LRRC1: variants seen among roughly 807,000 people sequenced by gnomAD.
The protein encoded by LRRC1 is leucine rich repeat containing 1, also known as leucine-rich repeat-containing protein 1.
A neutral mutation model predicts 69.9 loss-of-function variants in LRRC1; 28 were observed. The ratio of observed to expected loss-of-function variants is 0.40; its 90% CI spans 0.30 to 0.55. The LOEUF is 0.55. LRRC1 is among the 20% of genes least tolerant of loss of function. The probability of loss-of-function intolerance (pLI) is 0.47; values close to 1 mark genes in which losing one functional copy is unlikely to be tolerated. For missense variants in LRRC1, 498 were observed against 609.0 expected (o/e 0.82, Z 1.92); for synonymous variants, 236 against 240.2 (o/e 0.98, Z 0.16).
intron 1 of LRRC1, among the ~76,000 whole-genome samples, chr6:53,833,245 G>T (rs1417390624): frequency 6.6e-6 from 1 of 152,110 alleles, no homozygotes; most frequent in Non-Finnish European, 1.5e-5. Context: ...CCAAGTGATT[G>T]CAGTTGCCAC....
intron 1 of LRRC1, among the ~76,000 whole-genome samples, chr6:53,799,079 G>A (rs1764390086): frequency 6.6e-6 from 1 of 152,144 alleles, no homozygotes; most frequent in South Asian, 2.1e-4. Flanking sequence ...TGTAGTAGTA[G>A]GCAGCACATA....
At chr6:53,884,094 C>T (rs941115126) in intron 4 of LRRC1, 82 of 695,084 alleles carry the variant, frequency 1.2e-4, no homozygotes, top group Non-Finnish European at 1.6e-4. Context: ...AGACAGGAAG[C>T]CCTCAATACA....
At chr6:53,795,453 G>C in intron 1 of LRRC1, 38 bp downstream of exon 1, 2 of 1,582,252 alleles carry the variant, frequency 1.3e-6, no homozygotes, top group Admixed American at 1.7e-5. Context: ...CTGCCCGCTC[G>C]TCTGCTGTCC....
In LRRC1 at chr6:53,923,011, A is replaced by G; in HGVS notation, c.*218A>G. The stretch of plus-strand genomic sequence containing the variant: ...CCCGGTGTGATTTTTTTTTTTTTTA[A>G]TTTCAGTTGTTTGTAATAAGTAGAA... On this transcript the variant is annotated 3_prime_UTR_variant, in exon 14 of 14. Coordinates refer to ENST00000370888, the MANE Select transcript of LRRC1 (RefSeq NM_018214.5). The G allele has an allele frequency of 2.3e-6, 1 of 438,248 alleles. No individual in the cohort carries two copies. The highest frequency in any genetic ancestry group is 4.1e-6 in the Non-Finnish European group (1 of 246,526). The allele number at this position is 438,248 out of a possible 1,614,324, so 27.1% of individuals were successfully genotyped here.
chr6:53,881,558 G>A (rs1191135144), intron 3 of LRRC1, among the ~76,000 whole-genome samples: 4 of 152,148 alleles, frequency 2.6e-5, no homozygotes, highest in Admixed American at 2.6e-4. Flanking sequence ...ACAAATTCCA[G>A]TGATTATAAA....
chr6:53,907,735 A>ATT (rs113795810), intron 10 of LRRC1, among the ~76,000 whole-genome samples: 14 of 119,718 alleles, frequency 1.2e-4, no homozygotes, highest in African/African-American at 1.9e-4. Context: ...TTCTAAATTC[A>ATT]TTTTTTTTTT....
At chr6:53,917,964 A>AT (rs1332596800) in intron 11 of LRRC1, among the ~76,000 whole-genome samples, 1 of 152,254 alleles carries the variant, frequency 6.6e-6, no homozygotes, top group African/African-American at 2.4e-5. Flanking sequence ...GAATTTTTGT[A>AT]TAAGCACAAG....
At chr6:53,847,638 A>G (rs1765989824) in intron 2 of LRRC1, among the ~76,000 whole-genome samples, 1 of 152,218 alleles carries the variant, frequency 6.6e-6, no homozygotes, top group Non-Finnish European at 1.5e-5. Flanking sequence ...TGTCTCATCT[A>G]AAGCCTCTTC....
At chr6:53,821,394 A>G (rs1169246881) in intron 1 of LRRC1, among the ~76,000 whole-genome samples, 1 of 152,192 alleles carries the variant, frequency 6.6e-6, no homozygotes, top group Non-Finnish European at 1.5e-5. Flanking sequence ...CTTTTTACAC[A>G]TTATTATATT....
chr6:53,917,414 A>T (rs145788037), intron 11 of LRRC1, among the ~76,000 whole-genome samples: 1 of 152,328 alleles, frequency 6.6e-6, no homozygotes, highest in East Asian at 1.9e-4. Context: ...GCAACTCATT[A>T]ATTTGAGTTG....
At position 53,795,138 on chromosome 6, in the gene LRRC1, C is replaced by G. The variant is rs942287760; in HGVS notation, c.-119C>G. On this transcript the variant is annotated 5_prime_UTR_variant, in exon 1 of 14. Transcript: ENST00000370888. ...AGCCCGGCGCGAGAAGCGAGCTAACCCAAGAGCCAACAACGAGCGCGGAGA... is the reference window on the plus strand; with the variant it reads ...AGCCCGGCGCGAGAAGCGAGCTAACGCAAGAGCCAACAACGAGCGCGGAGA... The G allele has an allele frequency of 1.1e-6, 1 of 911,568 alleles. No individual in the cohort carries two copies. Among genetic ancestry groups the G allele is most frequent in the African/African-American group, 1.7e-5 (1 of 58,108 alleles). The allele number at this position is 911,568 out of a possible 1,614,324, so 56.5% of individuals were successfully genotyped here.
At chr6:53,917,461 T>C (rs1008062821) in intron 11 of LRRC1, among the ~76,000 whole-genome samples, 1 of 152,256 alleles carries the variant, frequency 6.6e-6, no homozygotes, top group Non-Finnish European at 1.5e-5. Flanking sequence ...TAGAGTCTAA[T>C]AATTTATTTA....
chr6:53,811,945 C>T (rs998243986), intron 1 of LRRC1, among the ~76,000 whole-genome samples: 4 of 152,236 alleles, frequency 2.6e-5, no homozygotes, highest in Non-Finnish European at 4.4e-5. Context: ...AGTGAGTGCA[C>T]AGTGCCTGCC....
At chr6:53,851,720 C>T (rs538887860) in intron 2 of LRRC1, among the ~76,000 whole-genome samples, 85 of 152,012 alleles carry the variant, frequency 5.6e-4, no homozygotes, top group South Asian at 8.3e-4. Flanking sequence ...CACACACATG[C>T]GCACACACAC....
At chr6:53,863,135 A>G (rs1766585821) in intron 2 of LRRC1, among the ~76,000 whole-genome samples, 1 of 152,172 alleles carries the variant, frequency 6.6e-6, no homozygotes, top group Non-Finnish European at 1.5e-5. Context: ...TGTTCTGTTC[A>G]CTGCTAGTTG....
intron 2 of LRRC1, among the ~76,000 whole-genome samples, chr6:53,858,942 C>T (rs1766406573): frequency 6.6e-6 from 1 of 151,986 alleles, no homozygotes; most frequent in Non-Finnish European, 1.5e-5. Flanking sequence ...TTTTAAAGAA[C>T]TTAAAATGTA....
rs1437209647 is a variant in LRRC1, at chr6:53,795,193, A to T, written c.-64A>T. 13 of 1,459,124 alleles carry T rather than the reference A, an allele frequency of 8.9e-6. No individual in the cohort carries two copies. The East Asian group carries it at 3.1e-4, about 35-fold the overall frequency. 90.4% of individuals were successfully genotyped at this position (1,459,124 alleles called of 1,614,324 possible). On this transcript the variant is annotated 5_prime_UTR_variant, in exon 1 of 14. Coordinates refer to ENST00000370888, the MANE Select transcript of LRRC1 (RefSeq NM_018214.5). ...AGCGGACTGAGCGGAGCCGCCGGCC[A>T]GAGCGGGCTCGGAGCCCGGGTCTCC... is the stretch of plus-strand genomic sequence containing the variant.
intron 8 of LRRC1, among the ~76,000 whole-genome samples, chr6:53,900,327 A>G (rs1388551499): frequency 1.3e-5 from 2 of 152,134 alleles, no homozygotes; most frequent in Non-Finnish European, 2.9e-5. Flanking sequence ...GTGAGCCACC[A>G]TGCCCGGCCT....
intron 1 of LRRC1, among the ~76,000 whole-genome samples, chr6:53,839,792 C>T (rs1283390322): frequency 1.3e-5 from 2 of 152,084 alleles, no homozygotes; most frequent in African/African-American, 2.4e-5. Context: ...TATTCTTTCA[C>T]TTTATATTTT....
Sources: allele counts gnomAD v4.1 joint callset (sites outside exome capture counted in the v4.1 genomes callset), GRCh38; gene constraint gnomAD v4.1.1; transcripts MANE v1.5; gene names NCBI Gene and HGNC (gene_info 2026-07-23, HGNC 2026-07-21).